The following TAF4 variants were observed in gnomAD, a reference collection of about 807,000 sequenced individuals.
TAF4 encodes transcription initiation factor TFIID subunit 4.
Under a neutral mutation model 90.3 loss-of-function variants are expected in TAF4, and 9 were observed. The observed-to-expected ratio is 0.10, with a 90% CI of 0.06 to 0.17. TAF4 has a LOEUF of 0.17. Ranked by LOEUF, TAF4 falls within the 10% of genes least tolerant of loss-of-function variation. TAF4 has a pLI of 1.00. For missense variants in TAF4, 1,351 were observed against 1,370.7 expected, an observed-to-expected ratio of 0.99 and a Z score of 0.23; for synonymous variants, 818 against 638.9, an observed-to-expected ratio of 1.28 and a Z score of -4.23.
intron 14 of TAF4, among the ~76,000 whole-genome samples, chr20:61,985,684 G>T (rs1368704100): frequency 6.6e-6 from 1 of 151,208 alleles, no homozygotes; most frequent in South Asian, 2.1e-4. Flanking sequence ...AGGCACGAGG[G>T]AAGCTAGAAT....
At chr20:62,046,174 C>T (rs1049465845) in intron 1 of TAF4, among the ~76,000 whole-genome samples, 3 of 152,210 alleles carry the variant, frequency 2.0e-5, no homozygotes, top group Non-Finnish European at 4.4e-5. Flanking sequence ...CGAAACACCA[C>T]GCTACAGGCA....
intron 1 of TAF4, among the ~76,000 whole-genome samples, chr20:62,017,152 A>C (rs868171493): frequency 6.6e-6 from 1 of 151,934 alleles, no homozygotes; most frequent in Non-Finnish European, 1.5e-5. Flanking sequence ...TAAAAACAAA[A>C]AAAAAAAATG....
chr20:62,049,655 C>CCCCAGCCCCGCACCCTGCCCT (rs1247035295), intron 1 of TAF4, among the ~76,000 whole-genome samples: 23 of 52,360 alleles, frequency 4.4e-4, no homozygotes, highest in African/African-American at 1.7e-3. Flanking sequence ...CACCCTGCCC[C>CCCCAGCCCCGCACCCTGCCCT]TCATCCACCG....
In TAF4 at chr20:61,999,111, A is replaced by G. The variant is rs771573386; in HGVS notation, c.2788-3T>C. 5 of 1,613,716 alleles carry G rather than the reference A, an allele frequency of 3.1e-6. No homozygotes were observed. Among genetic ancestry groups the G allele is most frequent in the Middle Eastern group, 1.6e-4 (1 of 6,084 alleles). ...GCCTGCTCATATCTGTCGTCATCCT[A>G]TGAAGAAAGTTAAAATACTGCTTGT... On this transcript the variant is annotated splice_region_variant and splice_polypyrimidine_tract_variant and intron_variant, in intron 11 of 14. Coordinates refer to ENST00000252996, the MANE Select transcript of TAF4 (RefSeq NM_003185.4).
chr20:62,033,281 G>A (rs534232118), intron 1 of TAF4, among the ~76,000 whole-genome samples: 1 of 152,338 alleles, frequency 6.6e-6, no homozygotes. Flanking sequence ...GCAGGAATCA[G>A]AGACCAAGGC....
At chr20:62,059,267 A>G (rs931657911) in intron 1 of TAF4, among the ~76,000 whole-genome samples, 45 of 152,356 alleles carry the variant, frequency 3.0e-4, no homozygotes, top group African/African-American at 7.5e-4. Context: ...TACTTTCTCA[A>G]ATGGGAGAGG....
intron 1 of TAF4, among the ~76,000 whole-genome samples, chr20:62,036,116 C>T (rs1220778032): frequency 1.3e-5 from 2 of 151,962 alleles, no homozygotes; most frequent in African/African-American, 2.4e-5. Context: ...CTCCCGCTCA[C>T]GGGTTCAAGC....
chr20:61,994,475 C>T (rs2055651406), intron 14 of TAF4, among the ~76,000 whole-genome samples: 1 of 152,272 alleles, frequency 6.6e-6, no homozygotes, highest in African/African-American at 2.4e-5. Context: ...TTTCTTCCTA[C>T]ATTGTACCAG....
chr20:62,014,577 A>G lies in TAF4; in HGVS notation c.1491T>C (p.Ser497=). 6.2e-7 allele frequency: 1 copy of G among 1,613,810 alleles called. No individual in the cohort carries two copies. Among genetic ancestry groups the G allele is most frequent in the Admixed American group, 1.7e-5 (1 of 59,958 alleles). Reference sequence around the variant, plus strand: ...CGGTGGAGATCTGGACGGGAGGGGCACTTGTGGGGGTGGCAGGGCGAGGCG... The same window carrying G: ...CGGTGGAGATCTGGACGGGAGGGGCGCTTGTGGGGGTGGCAGGGCGAGGCG... ...TMAPRPATPT[S]APPVQISTVQ... is the part of the protein sequence containing the mutation. The change falls in exon 2 of 15, where the codon AGT becomes AGC. Residue 497 remains serine (S), a synonymous_variant. Coordinates refer to ENST00000252996, the MANE Select transcript of TAF4 (RefSeq NM_003185.4).
At position 62,006,847 on chromosome 20, in the gene TAF4, G is replaced by A; in HGVS notation, c.1975-89C>T. 3 of 1,413,404 alleles carry A rather than the reference G, an allele frequency of 2.1e-6. No homozygotes were observed. Among genetic ancestry groups the A allele is most frequent in the South Asian group, 3.3e-5 (2 of 60,236 alleles). The allele number at this position is 1,413,404 out of a possible 1,614,324, so 87.6% of individuals were successfully genotyped here. On this transcript the variant is annotated intron_variant, in intron 6 of 14. Transcript: ENST00000252996. The surrounding 1 kb of genome is among the most constrained non-coding windows in gnomAD (Gnocchi z 7.0). ...AAATTCAGAAATATCAACTTTTACA[G>A]AAAGCTTTTGAGCTAAGTAAGATGG...
Position 62,064,833 on chromosome 20 carries a change from G to A in TAF4, c.978C>T (p.Ser326=), listed in dbSNP as rs2056114627. 2 of 971,864 alleles carry A rather than the reference G, an allele frequency of 2.1e-6. No individual in the cohort carries two copies. The highest frequency in any genetic ancestry group is 2.4e-6 in the Non-Finnish European group (2 of 822,606). The allele number at this position is 971,864 out of a possible 1,614,324, so 60.2% of individuals were successfully genotyped here. A position where few individuals can be genotyped will look rare whatever the true frequency, so the allele number is the denominator to read the frequency against. Residue 326 remains serine, a synonymous_variant, in exon 1 of 15, where the codon AGC becomes AGT. Coordinates refer to ENST00000252996, the MANE Select transcript of TAF4 (RefSeq NM_003185.4). ...APAAGGPAGV[S]GQPGPGAAAA... is the part of the protein sequence containing the mutation. ...CCGCCGCGCCGGGCCCGGGTTGGCC[G>A]CTGACCCCCGCGGGGCCCCCGGCGG...
chr20:62,008,840 C>T (rs1045677080), intron 5 of TAF4: 51 of 508,578 alleles, frequency 1.0e-4, no homozygotes, highest in East Asian at 7.4e-4. Context: ...CTCCAGGCGC[C>T]GGCCCCAGAA....
chr20:62,035,254 C>A (rs1173744128), intron 1 of TAF4, among the ~76,000 whole-genome samples: 1 of 152,164 alleles, frequency 6.6e-6, no homozygotes, highest in Non-Finnish European at 1.5e-5. Context: ...AAGAGTTGCA[C>A]AGACAATTCT....
At chr20:61,976,605 T>A (rs2055496313) in intron 14 of TAF4, among the ~76,000 whole-genome samples, 1 of 152,192 alleles carries the variant, frequency 6.6e-6, no homozygotes, top group Non-Finnish European at 1.5e-5. Context: ...GTCCTGGGGC[T>A]GAGGATGGAC....
intron 1 of TAF4, among the ~76,000 whole-genome samples, chr20:62,052,299 T>C (rs766612695): frequency 6.6e-6 from 1 of 150,880 alleles, no homozygotes; most frequent in African/African-American, 2.4e-5. Context: ...GGGGCGCACT[T>C]TGTTTCCGCT....
chr20:61,999,263 C>G (rs1281370909), intron 11 of TAF4, among the ~76,000 whole-genome samples, 155 bp from the exon 12 acceptor site: 1 of 152,198 alleles, frequency 6.6e-6, no homozygotes, highest in African/African-American at 2.4e-5. Context: ...GCAAATGCTG[C>G]GCCCGAGAGC....
intron 14 of TAF4, among the ~76,000 whole-genome samples, chr20:61,994,833 G>A (rs1209033997): frequency 1.3e-5 from 2 of 152,206 alleles, no homozygotes; most frequent in Non-Finnish European, 2.9e-5. Context: ...AGAGAAGTCA[G>A]GGGTCGGGCA....
At chr20:62,041,232 T>C (rs1028963512) in intron 1 of TAF4, among the ~76,000 whole-genome samples, 2 of 152,066 alleles carry the variant, frequency 1.3e-5, no homozygotes, top group African/African-American at 4.8e-5. Flanking sequence ...GGGGTAGACA[T>C]CCTCAATCTG....
At chr20:62,060,414 G>A (rs971082885) in intron 1 of TAF4, among the ~76,000 whole-genome samples, 4 of 152,206 alleles carry the variant, frequency 2.6e-5, no homozygotes, top group Non-Finnish European at 2.9e-5. Context: ...ACAGGACCCC[G>A]ACTCCTGGCT....
Sources: gnomAD v4.1 joint callset for allele counts (sites outside exome capture counted in the v4.1 genomes callset) on GRCh38, gnomAD v4.1.1 for gene constraint, Gnocchi (gnomAD v3.1) non-coding constraint, MANE v1.5 for transcripts, NCBI Gene and HGNC (gene_info 2026-07-23, HGNC 2026-07-21) for gene names.